The following PIK3AP1 variants were observed in gnomAD, a reference collection of about 807,000 sequenced individuals.
PIK3AP1 encodes the protein phosphoinositide-3-kinase adaptor protein 1.
In PIK3AP1, 21 loss-of-function variants were observed where a neutral mutation model predicts 88.1. That is an observed-to-expected ratio of 0.24 (90% CI 0.17 to 0.34). PIK3AP1 has a LOEUF of 0.34. Ranked by LOEUF, PIK3AP1 falls within the 10% of genes least tolerant of loss-of-function variation. The pLI is 1.00. For synonymous variants in PIK3AP1, 398 were observed against 400.0 expected (o/e 1.00, Z 0.06); for missense variants, 828 against 1,035.7 (o/e 0.80, Z 2.75).
chr10:96,612,982 ATTTTTTTTTTTTTT>A lies in PIK3AP1; in HGVS notation c.2015-3129_2015-3116del, dbSNP rs3979626. Among the ~76,000 whole-genome samples, 5 of 34,798 alleles carry A rather than the reference ATTTTTTTTTTTTTT, an allele frequency of 1.4e-4. 1 individual carries two copies. The East Asian group carries it at 2.3e-3, about 16-fold the overall frequency. 22.8% of individuals were successfully genotyped at this position (34,798 alleles called of 152,430 possible). ...TATATATATATATATATATATATAT[ATTTTTTTTTTTTTT>A]TTTTTTTTTTTTTTTTTTTTGAGAC... is the stretch of plus-strand genomic sequence containing the variant. On this transcript the variant is annotated intron_variant, in intron 13 of 16. Coordinates refer to ENST00000339364, the MANE Select transcript of PIK3AP1 (RefSeq NM_152309.3).
intron 2 of PIK3AP1, among the ~76,000 whole-genome samples, chr10:96,696,480 CTT>C (rs1451657409): frequency 6.6e-6 from 1 of 152,212 alleles, no homozygotes; most frequent in Non-Finnish European, 1.5e-5. Flanking sequence ...AAATCATCCT[CTT>C]TCCTGGGCCA....
chr10:96,602,425 G>A, intron 15 of PIK3AP1, 27 bp from the exon 16 acceptor site: 1 of 1,577,628 alleles, frequency 6.3e-7, no homozygotes, highest in Non-Finnish European at 8.7e-7. Flanking sequence ...GAGAAAGAAA[G>A]GCGAAAACTA....
intron 14 of PIK3AP1, 137 bp downstream of exon 14, chr10:96,609,572 CCCA>C: frequency 1.1e-6 from 1 of 911,590 alleles, no homozygotes; most frequent in East Asian, 2.6e-5. Context: ...GTAACTCGGC[CCCA>C]CCTTTTATAC....
chr10:96,638,055 G>A lies in PIK3AP1; in HGVS notation c.1375+7418C>T, dbSNP rs139078340. 5.2e-4 allele frequency among the ~76,000 whole-genome samples: 79 copies of A among 152,306 alleles called. 2 individuals carry two copies. The East Asian group carries it at 0.015, about 28-fold the overall frequency. Reference sequence around the variant, plus strand: ...GCTGGAACGAGTTAAGAGTTTTGGGGCAACTGGAATGGAATGAATGTATTT... The same window carrying A: ...GCTGGAACGAGTTAAGAGTTTTGGGACAACTGGAATGGAATGAATGTATTT... On this transcript the variant is annotated intron_variant, in intron 8 of 16. Transcript: ENST00000339364.
rs1564961933 is a variant in PIK3AP1, at chr10:96,629,935, AGAAGAAG to A, written c.1376-1449_1376-1443del. 1.9e-3 allele frequency among the ~76,000 whole-genome samples: 254 copies of A among 131,148 alleles called. 2 individuals carry two copies. The highest frequency in any genetic ancestry group is 5.1e-3 in the South Asian group (20 of 3,920). 86.0% of individuals were successfully genotyped at this position (131,148 alleles called of 152,430 possible). On this transcript the variant is annotated intron_variant, in intron 8 of 16. Transcript: ENST00000339364. The stretch of plus-strand genomic sequence containing the variant: ...AAAAAAAAAAAAAAAAAAAAAAAGA[AGAAGAAG>A]AAGAAGAAGAAGAAGAAAGGAAAAA...
At chr10:96,680,611 C>T (rs1463249980) in intron 2 of PIK3AP1, among the ~76,000 whole-genome samples, 6 of 152,158 alleles carry the variant, frequency 3.9e-5, no homozygotes, top group Non-Finnish European at 8.8e-5. Flanking sequence ...CCACCAGCTC[C>T]ATCCATGTTC....
chr10:96,633,027 T>C, intron 8 of PIK3AP1: 1 of 1,611,896 alleles, frequency 6.2e-7, no homozygotes, highest in East Asian at 2.2e-5. Flanking sequence ...AGAGACAAGA[T>C]CCATAGCAGG....
chr10:96,603,920 T>G (rs571908105), intron 15 of PIK3AP1, 59 bp downstream of exon 15: 1 of 1,426,958 alleles, frequency 7.0e-7, no homozygotes, highest in African/African-American at 1.4e-5. Context: ...TGGGTTTCTA[T>G]CTCTTGCGAT....
chr10:96,680,334 G>T (rs1033246013), intron 2 of PIK3AP1, among the ~76,000 whole-genome samples: 3 of 151,888 alleles, frequency 2.0e-5, no homozygotes. Flanking sequence ...AAGTTCAGGG[G>T]TACATGTGCA....
chr10:96,629,909 C>CAAAAAAAAAAAAA (rs66669261), intron 8 of PIK3AP1, among the ~76,000 whole-genome samples: 2 of 5,414 alleles, frequency 3.7e-4, no homozygotes, highest in African/African-American at 5.0e-4. Context: ...CAACAACAAC[C>CAAAAAAAAAAAAA]AAAAAAAAAA....
At chr10:96,645,375 G>A (rs919138294) in intron 8 of PIK3AP1, 98 bp downstream of exon 8, 2 of 1,213,780 alleles carry the variant, frequency 1.6e-6, no homozygotes, top group African/African-American at 1.6e-5. Context: ...GGGGTGAAGT[G>A]AGGGTACATA....
intron 16 of PIK3AP1, among the ~76,000 whole-genome samples, chr10:96,598,252 A>G (rs765443676): frequency 3.3e-5 from 5 of 151,820 alleles, no homozygotes; most frequent in Non-Finnish European, 5.9e-5. Context: ...GATTTTGCCA[A>G]GTTGCCCAGG....
chr10:96,652,162 AT>A (rs1843547422), intron 4 of PIK3AP1, among the ~76,000 whole-genome samples: 1 of 152,232 alleles, frequency 6.6e-6, no homozygotes, highest in South Asian at 2.1e-4. Flanking sequence ...AAAATTAAAA[AT>A]AACACCAACC....
chr10:96,642,425 C>CAAAAA (rs34912752), intron 8 of PIK3AP1, among the ~76,000 whole-genome samples: 1 of 98,964 alleles, frequency 1.0e-5, no homozygotes, highest in Admixed American at 1.0e-4. Context: ...GATGTTGTCT[C>CAAAAA]AAAAAAAAAA....
intron 2 of PIK3AP1, 92 bp from the exon 3 acceptor site, chr10:96,657,026 A>T: frequency 9.7e-5 from 126 of 1,303,044 alleles, no homozygotes; most frequent in East Asian, 1.5e-4. Flanking sequence ...ATTGCAAAAT[A>T]GGAAACGGCT....
intron 14 of PIK3AP1, among the ~76,000 whole-genome samples, chr10:96,604,287 C>T (rs1848961297): frequency 6.6e-6 from 1 of 150,674 alleles, no homozygotes; most frequent in Non-Finnish European, 1.5e-5. Context: ...AAAAGATCCT[C>T]CTGCCTTAGC....
chr10:96,647,417 C>T (rs1843474478), intron 7 of PIK3AP1, among the ~76,000 whole-genome samples: 2 of 152,160 alleles, frequency 1.3e-5, no homozygotes, highest in African/African-American at 2.4e-5. Flanking sequence ...AAATCAAATA[C>T]ATTCAATAAA....
intron 2 of PIK3AP1, among the ~76,000 whole-genome samples, chr10:96,671,068 G>C (rs1404689127): frequency 6.6e-6 from 1 of 152,212 alleles, no homozygotes; most frequent in Non-Finnish European, 1.5e-5. Flanking sequence ...CATGTCTCTT[G>C]TTTACACTGC....
In PIK3AP1 at chr10:96,626,833, G is replaced by A. The variant is rs544379655; in HGVS notation, c.1544C>T (p.Thr515Met). Residue 515 changes from threonine (T) to methionine (M), a missense_variant, in exon 10 of 17, where the codon ACG (threonine) becomes ATG (methionine). Around this residue, in one of 3 missense-constraint regions of PIK3AP1, gnomAD observed 610 missense variants for 760.1 expected, o/e 0.80. Coordinates refer to ENST00000339364, the MANE Select transcript of PIK3AP1 (RefSeq NM_152309.3). ...AGAAAAGGCCTCATCGTCATCCACC[G>A]TGTGATAAACATCTTCTTCCTGACC... ...HLGQEEDVYHTVDDDEAFSVD... is the reference protein window; with the variant it reads ...HLGQEEDVYHMVDDDEAFSVD... The A allele has an allele frequency of 9.9e-6, 16 of 1,614,136 alleles. No individual in the cohort carries two copies. The East Asian group carries it at 2.2e-4, about 22-fold the overall frequency.
Sources: allele counts gnomAD v4.1 joint callset (sites outside exome capture counted in the v4.1 genomes callset), GRCh38; gene constraint gnomAD v4.1.1; regional missense constraint gnomAD v4.1.1; transcripts MANE v1.5; gene names NCBI Gene and HGNC (gene_info 2026-07-23, HGNC 2026-07-21).